Variants in CSMD1 observed in about 807,000 individuals in gnomAD.
CSMD1 encodes CUB and sushi domain-containing protein 1.
CSMD1 carries 213 observed loss-of-function variants against 417.5 expected under a neutral mutation model. That is an observed-to-expected ratio of 0.51 (90% confidence interval 0.46 to 0.57). The LOEUF is 0.57. CSMD1 is among the 20% of genes least tolerant of loss of function. CSMD1 has a pLI of 0.00. For missense variants in CSMD1, 6,923 were observed against 4,529.7 expected, an observed-to-expected ratio of 1.53 and a Z score of -15.17; for synonymous variants, 2,862 against 1,736.8, an observed-to-expected ratio of 1.65 and a Z score of -16.11.
chr8:3,879,524 G>C lies in CSMD1; in HGVS notation c.818+118379C>G, dbSNP rs948575684. ...TTACCGTGAGAGCAAGGAAGATGTA[G>C]CTCCTCCCCCGCTACAGTCTACTTT... is the stretch of plus-strand genomic sequence containing the variant. On this transcript the variant is annotated intron_variant, in intron 5 of 69. Coordinates refer to ENST00000635120, the MANE Select transcript of CSMD1 (RefSeq NM_033225.6). 3.0e-4 allele frequency among the ~76,000 whole-genome samples: 46 copies of C among 152,114 alleles called. 1 individual carries two copies. Among genetic ancestry groups the C allele is most frequent in the Admixed American group, 1.3e-4 (2 of 15,250 alleles).
chr8:3,549,328 G>A (rs553201226), intron 10 of CSMD1, among the ~76,000 whole-genome samples: 43 of 152,328 alleles, frequency 2.8e-4, no homozygotes, highest in Admixed American at 8.5e-4. Flanking sequence ...TTACAGGCAA[G>A]CTCACCAGCT....
In CSMD1 at chr8:4,176,099, C is replaced by T. The variant is rs187397063; in HGVS notation, c.416-144000G>A. On this transcript the variant is annotated intron_variant, in intron 3 of 69. Transcript: ENST00000635120. ...AACCCTTGCAGAATCACTCCTGCTA[C>T]CTTCTTGTAGACAGAAAGTCTCAAG... 9.6e-4 allele frequency among the ~76,000 whole-genome samples: 146 copies of T among 152,142 alleles called. 1 individual carries two copies. Among genetic ancestry groups the T allele is most frequent in the Non-Finnish European group, 7.4e-4 (50 of 67,996 alleles).
intron 1 of CSMD1, among the ~76,000 whole-genome samples, chr8:4,947,746 A>T (rs1808465037): frequency 6.6e-6 from 1 of 152,194 alleles, no homozygotes; most frequent in African/African-American, 2.4e-5. Context: ...TGCTTGATAC[A>T]TTATAAAACT....
intron 3 of CSMD1, among the ~76,000 whole-genome samples, chr8:4,069,819 G>T (rs1799451959): frequency 6.6e-6 from 1 of 152,158 alleles, no homozygotes; most frequent in Non-Finnish European, 1.5e-5. Context: ...ACTCACTACT[G>T]AAAGAATATC....
intron 52 of CSMD1, among the ~76,000 whole-genome samples, chr8:3,016,184 T>C (rs1247453217): frequency 1.3e-5 from 2 of 152,214 alleles, no homozygotes; most frequent in Non-Finnish European, 2.9e-5. Flanking sequence ...TCATCATTTA[T>C]AACCTGCCTC....
At chr8:3,523,227 C>G (rs1170018719) in intron 10 of CSMD1, among the ~76,000 whole-genome samples, 1 of 152,146 alleles carries the variant, frequency 6.6e-6, no homozygotes, top group Non-Finnish European at 1.5e-5. Context: ...TGCTATGGAT[C>G]ATAGTAAGAC....
chr8:3,500,294 T>A (rs557607069), intron 10 of CSMD1, among the ~76,000 whole-genome samples: 1 of 152,280 alleles, frequency 6.6e-6, no homozygotes, highest in East Asian at 1.9e-4. Context: ...CTGGGCACTC[T>A]AGCTAGACAT....
intron 3 of CSMD1, among the ~76,000 whole-genome samples, chr8:4,228,780 T>A (rs530765402): frequency 7.1e-4 from 108 of 152,148 alleles, no homozygotes; most frequent in Non-Finnish European, 1.2e-3. Context: ...GCCTCCTGGG[T>A]TCAAAAGATT....
intron 11 of CSMD1, among the ~76,000 whole-genome samples, chr8:3,480,203 C>T (rs1296304219): frequency 1.3e-5 from 2 of 150,764 alleles, no homozygotes; most frequent in Non-Finnish European, 3.0e-5. Flanking sequence ...TATTAAAATA[C>T]AAAAAAAAAT....
chr8:4,380,580 A>G (rs937151613), intron 3 of CSMD1, among the ~76,000 whole-genome samples: 1 of 152,190 alleles, frequency 6.6e-6, no homozygotes, highest in Admixed American at 6.5e-5. Flanking sequence ...CGTGGATGGA[A>G]TGAGAACATT....
intron 12 of CSMD1, among the ~76,000 whole-genome samples, chr8:3,422,497 G>C (rs1813557972): frequency 6.6e-6 from 1 of 152,080 alleles, no homozygotes; most frequent in Non-Finnish European, 1.5e-5. Flanking sequence ...CTGTCTGAAA[G>C]CATTTTAAAA....
chr8:3,809,744 G>A (rs565028686), intron 5 of CSMD1, among the ~76,000 whole-genome samples: 3 of 152,162 alleles, frequency 2.0e-5, no homozygotes, highest in Non-Finnish European at 2.9e-5. Flanking sequence ...GTTTTCCTAA[G>A]AGGGGAGTTG....
At chr8:4,958,106 C>G (rs1809242292) in intron 1 of CSMD1, among the ~76,000 whole-genome samples, 1 of 152,132 alleles carries the variant, frequency 6.6e-6, no homozygotes, top group South Asian at 2.1e-4. Flanking sequence ...AGTGATGTCT[C>G]AAATTCTATG....
At chr8:3,467,301 G>A (rs1355471034) in intron 12 of CSMD1, among the ~76,000 whole-genome samples, 1 of 152,164 alleles carries the variant, frequency 6.6e-6, no homozygotes, top group Non-Finnish European at 1.5e-5. Context: ...TGAATTTACT[G>A]CAATTTGCCC....
At chr8:3,752,576 C>T (rs905966624) in intron 6 of CSMD1, among the ~76,000 whole-genome samples, 1 of 148,672 alleles carries the variant, frequency 6.7e-6, no homozygotes, top group Admixed American at 6.9e-5. Context: ...ATCACTTGAG[C>T]CCAGGAGGTG....
intron 3 of CSMD1, among the ~76,000 whole-genome samples, chr8:4,063,751 G>C (rs186244196): frequency 4.5e-4 from 68 of 152,204 alleles, no homozygotes; most frequent in Non-Finnish European, 9.1e-4. Context: ...CTTTTATTTT[G>C]AATCTAAATT....
intron 12 of CSMD1, among the ~76,000 whole-genome samples, chr8:3,461,709 C>T (rs529488936): frequency 6.6e-6 from 1 of 152,296 alleles, no homozygotes; most frequent in East Asian, 1.9e-4. Flanking sequence ...GGAGGACTGG[C>T]CCTAATCAGG....
intron 11 of CSMD1, among the ~76,000 whole-genome samples, chr8:3,488,282 T>C (rs1022519510): frequency 1.6e-4 from 24 of 151,888 alleles, no homozygotes; most frequent in Non-Finnish European, 3.2e-4. Context: ...TTTGTCTTTG[T>C]TTTTTTGTAG....
intron 1 of CSMD1, among the ~76,000 whole-genome samples, chr8:4,844,732 T>C (rs1482695478): frequency 6.6e-6 from 1 of 152,334 alleles, no homozygotes; most frequent in East Asian, 1.9e-4. Flanking sequence ...ATAATTATGA[T>C]TATTTCAAAA....
Sources: allele counts gnomAD v4.1 joint callset (sites outside exome capture counted in the v4.1 genomes callset), GRCh38; gene constraint gnomAD v4.1.1; transcripts MANE v1.5; gene names NCBI Gene and HGNC (gene_info 2026-07-23, HGNC 2026-07-21).